VRK2: variants seen among roughly 807,000 people sequenced by gnomAD.
VRK2 encodes the protein VRK serine/threonine kinase 2, also known as serine/threonine-protein kinase VRK2.
Under a neutral mutation model 57.6 loss-of-function variants are expected in VRK2, and 60 were observed. The ratio of observed to expected loss-of-function variants is 1.04; its 90% CI spans 0.85 to 1.29. The LOEUF (loss-of-function observed/expected upper bound fraction) is 1.29. Ranked by LOEUF, VRK2 falls within the 50% of genes most tolerant of loss-of-function variation. The pLI is 0.00. For missense variants in VRK2, 705 were observed against 588.1 expected (o/e 1.20, Z -2.06); for synonymous variants, 231 against 199.2 (o/e 1.16, Z -1.35).
intron 1 of VRK2, among the ~76,000 whole-genome samples, chr2:58,007,847 GT>G: frequency 6.6e-6 from 1 of 151,982 alleles, no homozygotes; most frequent in African/African-American, 2.4e-5. Flanking sequence ...GATAATAAAA[GT>G]TTTCGTAAAT....
intron 12 of VRK2, among the ~76,000 whole-genome samples, chr2:58,150,446 C>T (rs1223890092): frequency 6.6e-6 from 1 of 150,844 alleles, no homozygotes; most frequent in Non-Finnish European, 1.5e-5. Context: ...TATTGATGTC[C>T]CTCTTTCAGT....
chr2:57,934,654 A>T (rs1285389622), intron 1 of VRK2, among the ~76,000 whole-genome samples: 1 of 152,202 alleles, frequency 6.6e-6, no homozygotes, highest in Non-Finnish European at 1.5e-5. Context: ...TCTTTAAATA[A>T]GATTTCTGCT....
chr2:57,968,944 C>A (rs577008689), intron 1 of VRK2, among the ~76,000 whole-genome samples: 1 of 152,254 alleles, frequency 6.6e-6, no homozygotes, highest in African/African-American at 2.4e-5. Flanking sequence ...ATTAATCTCT[C>A]TTTAAAATCT....
rs397868874 is a variant in VRK2 at position 58,120,184 on chromosome 2, C to CTTTTTTTTTTTTTTTTTTTTTTTTTT, written c.544-2893_544-2892insTTTTTTTTTTTTTTTTTTTTTTTTTT. On this transcript the variant is annotated intron_variant, in intron 7 of 12. Transcript: ENST00000340157. ...CTTTTTGTCTATTTTTTTTTCTTTT[C>CTTTTTTTTTTTTTTTTTTTTTTTTTT]TTTTTTTTTTTTTTTTTTTTTTTTG... 1.1e-3 allele frequency among the ~76,000 whole-genome samples: 57 copies of CTTTTTTTTTTTTTTTTTTTTTTTTTT among 51,982 alleles called. 4 individuals carry two copies. The highest frequency in any genetic ancestry group is 2.0e-3 in the African/African-American group (19 of 9,644). The allele number at this position is 51,982 out of a possible 152,430, so 34.1% of individuals were successfully genotyped here.
intron 1 of VRK2, among the ~76,000 whole-genome samples, chr2:57,981,704 T>C (rs1345880005): frequency 1.3e-5 from 2 of 152,248 alleles, no homozygotes; most frequent in Admixed American, 6.5e-5. Context: ...CTTTACATAA[T>C]CCCATATTTC....
chr2:58,071,096 A>T (rs1669302275), intron 2 of VRK2, among the ~76,000 whole-genome samples: 1 of 151,974 alleles, frequency 6.6e-6, no homozygotes, highest in Non-Finnish European at 1.5e-5. Flanking sequence ...TTTATTTTAC[A>T]CCTTTACATC....
chr2:58,125,553 A>AATATTTTTG (rs1249857705), intron 8 of VRK2, among the ~76,000 whole-genome samples: 2 of 152,038 alleles, frequency 1.3e-5, no homozygotes, highest in African/African-American at 4.8e-5. Context: ...ACCTACATTA[A>AATATTTTTG]ATATTTTTGG....
At chr2:58,034,268 C>G (rs1249988930) in intron 3 of VRK2, among the ~76,000 whole-genome samples, 1 of 152,052 alleles carries the variant, frequency 6.6e-6, no homozygotes, top group Admixed American at 6.6e-5. Flanking sequence ...TAACACCTCT[C>G]ACAGTTGTTG....
chr2:58,064,655 A>G (rs1668381118), intron 2 of VRK2, among the ~76,000 whole-genome samples: 1 of 152,134 alleles, frequency 6.6e-6, no homozygotes, highest in Non-Finnish European at 1.5e-5. Context: ...AACCTGCAGT[A>G]TCTCCAAAAT....
intron 7 of VRK2, among the ~76,000 whole-genome samples, chr2:58,111,022 C>T (rs1443981821): frequency 5.3e-5 from 8 of 152,108 alleles, no homozygotes. Context: ...AAGTAAAGGG[C>T]CGCTTCTTTC....
intron 10 of VRK2, among the ~76,000 whole-genome samples, chr2:58,137,182 C>A (rs200556491): frequency 2.8e-5 from 1 of 35,098 alleles, no homozygotes; most frequent in East Asian, 8.1e-4. Context: ...TCATATATAT[C>A]ATATATGATA....
At chr2:57,989,167 T>C (rs1454082414) in intron 1 of VRK2, among the ~76,000 whole-genome samples, 1 of 152,200 alleles carries the variant, frequency 6.6e-6, no homozygotes, top group Non-Finnish European at 1.5e-5. Flanking sequence ...CCACCCAGCT[T>C]CAGTGGTGGC....
chr2:58,036,244 A>G (rs1674269696), intron 3 of VRK2, among the ~76,000 whole-genome samples: 1 of 151,964 alleles, frequency 6.6e-6, no homozygotes, highest in East Asian at 1.9e-4. Flanking sequence ...CCACCAGGAA[A>G]GGGAGTATTT....
intron 1 of VRK2, among the ~76,000 whole-genome samples, chr2:58,007,134 T>G (rs1204832631): frequency 6.6e-6 from 1 of 151,910 alleles, no homozygotes; most frequent in East Asian, 1.9e-4. Context: ...TCCTGCATCT[T>G]CTGTTTGCTA....
chr2:58,111,354 CTG>C (rs1226934945), intron 7 of VRK2, among the ~76,000 whole-genome samples: 1 of 152,250 alleles, frequency 6.6e-6, no homozygotes, highest in East Asian at 1.9e-4. Flanking sequence ...AGAAAAATCT[CTG>C]TGTCAAGGTG....
At chr2:58,140,869 AATC>A (rs1681228401) in intron 11 of VRK2, among the ~76,000 whole-genome samples, 1 of 152,074 alleles carries the variant, frequency 6.6e-6, no homozygotes, top group Non-Finnish European at 1.5e-5. Flanking sequence ...CCTGCATAGT[AATC>A]ATTCCTAATA....
intron 1 of VRK2, among the ~76,000 whole-genome samples, chr2:57,968,981 T>C (rs886134822): frequency 6.6e-6 from 1 of 152,114 alleles, no homozygotes; most frequent in African/African-American, 2.4e-5. Context: ...GTCAATATAA[T>C]TGTGCTTACC....
At chr2:57,935,756 G>C (rs1670885173) in intron 1 of VRK2, among the ~76,000 whole-genome samples, 1 of 152,200 alleles carries the variant, frequency 6.6e-6, no homozygotes, top group African/African-American at 2.4e-5. Context: ...TGCATGGCTA[G>C]AGGAACAAGG....
chr2:57,956,229 T>TA (rs1428286949), intron 1 of VRK2, among the ~76,000 whole-genome samples: 2 of 151,346 alleles, frequency 1.3e-5, no homozygotes, highest in African/African-American at 4.9e-5. Flanking sequence ...AAAGAAAAAA[T>TA]AAAAAATCTG....
Sources: gnomAD v4.1 joint callset for allele counts (sites outside exome capture counted in the v4.1 genomes callset) on GRCh38, gnomAD v4.1.1 for gene constraint, MANE v1.5 for transcripts, NCBI Gene and HGNC (gene_info 2026-07-23, HGNC 2026-07-21) for gene names.